SH3RF1: variants seen among roughly 807,000 people sequenced by gnomAD.
The protein encoded by SH3RF1 is E3 ubiquitin-protein ligase SH3RF1.
Under a neutral mutation model 74.0 loss-of-function variants are expected in SH3RF1, and 32 were observed. That is an observed-to-expected ratio of 0.43 (90% CI 0.33 to 0.58). SH3RF1 has a LOEUF of 0.58. SH3RF1 is among the 20% of genes least tolerant of loss of function. The pLI, the probability that SH3RF1 is intolerant of heterozygous loss-of-function variation, is 0.05. For missense variants in SH3RF1, 954 were observed against 1,130.9 expected, an observed-to-expected ratio of 0.84 and a Z score of 2.24; for synonymous variants, 396 against 439.6, an observed-to-expected ratio of 0.90 and a Z score of 1.24.
intron 2 of SH3RF1, among the ~76,000 whole-genome samples, chr4:169,169,681 T>A (rs531439851): frequency 6.6e-6 from 1 of 152,134 alleles, no homozygotes; most frequent in Admixed American, 6.5e-5. Flanking sequence ...GGAAGGAAGA[T>A]CTTTGGACCA....
rs186321688 is a variant in SH3RF1 at position 169,123,239 on chromosome 4, T to C, written c.1180-973A>G. ...CAGAGCTTATACCAGTCATCTTATT[T>C]CTGTTTTTTGGAATAAAAATTTGAA... is the stretch of plus-strand genomic sequence containing the variant. On this transcript the variant is annotated intron_variant, in intron 6 of 11. Coordinates refer to ENST00000284637, the MANE Select transcript of SH3RF1 (RefSeq NM_020870.4). Among the ~76,000 whole-genome samples the C allele has an allele frequency of 1.9e-4, 26 of 139,356 alleles. No individual in the cohort carries two copies. In the East Asian group the frequency reaches 4.4e-3, roughly 24 times the overall value. 91.4% of individuals were successfully genotyped at this position (139,356 alleles called of 152,430 possible). A position where few individuals can be genotyped will look rare whatever the true frequency, so the allele number is the denominator to read the frequency against.
At chr4:169,142,371 T>C (rs1733801578) in intron 4 of SH3RF1, among the ~76,000 whole-genome samples, 1 of 152,254 alleles carries the variant, frequency 6.6e-6, no homozygotes, top group African/African-American at 2.4e-5. Context: ...TTATCAGTTT[T>C]TTTCCACTAT....
intron 2 of SH3RF1, among the ~76,000 whole-genome samples, chr4:169,235,450 G>C (rs1338382503): frequency 6.6e-6 from 1 of 152,102 alleles, no homozygotes. Context: ...CTGTAAGATA[G>C]GTACTATTAT....
chr4:169,192,871 TATC>T (rs1411960623), intron 2 of SH3RF1, among the ~76,000 whole-genome samples: 1 of 147,022 alleles, frequency 6.8e-6, no homozygotes, highest in Non-Finnish European at 1.5e-5. Context: ...GTGATATATA[TATC>T]ATATATATGT....
chr4:169,141,380 T>G (rs1281664081), intron 4 of SH3RF1, among the ~76,000 whole-genome samples: 1 of 152,216 alleles, frequency 6.6e-6, no homozygotes, highest in Non-Finnish European at 1.5e-5. Flanking sequence ...TATAGAGACG[T>G]TGCCATTTAC....
chr4:169,159,499 C>A (rs1269835055), intron 2 of SH3RF1, among the ~76,000 whole-genome samples: 1 of 152,182 alleles, frequency 6.6e-6, no homozygotes, highest in African/African-American at 2.4e-5. Flanking sequence ...GCACAAACTC[C>A]AGAGCCAGAT....
intron 2 of SH3RF1, among the ~76,000 whole-genome samples, chr4:169,257,072 C>A (rs1731203740): frequency 6.6e-6 from 1 of 152,162 alleles, no homozygotes. Context: ...CTTCATCATT[C>A]TACAAATGAA....
intron 2 of SH3RF1, among the ~76,000 whole-genome samples, chr4:169,208,279 C>T (rs569511683): frequency 3.9e-5 from 6 of 152,108 alleles, no homozygotes; most frequent in African/African-American, 1.4e-4. Flanking sequence ...CTTCCACCCA[C>T]TTTATCTTCT....
intron 2 of SH3RF1, among the ~76,000 whole-genome samples, chr4:169,261,232 A>C (rs971722285): frequency 3.3e-5 from 5 of 151,948 alleles, no homozygotes; most frequent in African/African-American, 1.2e-4. Context: ...CTGACCTCCA[A>C]ACCACACTCT....
intron 2 of SH3RF1, among the ~76,000 whole-genome samples, chr4:169,198,733 A>G (rs1734862310): frequency 6.6e-6 from 1 of 152,194 alleles, no homozygotes; most frequent in Admixed American, 6.5e-5. Flanking sequence ...ATTGCAGAAC[A>G]TCAAAGACAA....
intron 7 of SH3RF1, 36 bp from the exon 8 acceptor site, chr4:169,121,025 T>A: frequency 1.3e-6 from 2 of 1,561,024 alleles, no homozygotes; most frequent in Non-Finnish European, 1.8e-6. Flanking sequence ...TCAGGTTGAG[T>A]AACAGACAAA....
At chr4:169,237,998 C>T (rs1240210968) in intron 2 of SH3RF1, among the ~76,000 whole-genome samples, 1 of 151,974 alleles carries the variant, frequency 6.6e-6, no homozygotes, top group Non-Finnish European at 1.5e-5. Context: ...AGCAAGAATC[C>T]CCCTACACTT....
chr4:169,116,232 A>G, intron 10 of SH3RF1, 37 bp downstream of exon 10: 1 of 1,549,070 alleles, frequency 6.5e-7, no homozygotes, highest in Non-Finnish European at 8.7e-7. Flanking sequence ...CAGGGAAGTA[A>G]GTAAAGCAGA....
chr4:169,150,339 T>A (rs34177233), intron 4 of SH3RF1, among the ~76,000 whole-genome samples: 14,508 of 152,254 alleles, frequency 0.095, 907 homozygotes, highest in South Asian at 0.16. Context: ...TCAGTGAGTC[T>A]TTTCTTCTTA....
At chr4:169,221,261 C>G (rs1211420448) in intron 2 of SH3RF1, among the ~76,000 whole-genome samples, 5 of 152,098 alleles carry the variant, frequency 3.3e-5, no homozygotes. Flanking sequence ...CCCTAACACT[C>G]TCTGCTCCTG....
chr4:169,187,329 G>C (rs1734622885), intron 2 of SH3RF1, among the ~76,000 whole-genome samples: 1 of 152,064 alleles, frequency 6.6e-6, no homozygotes, highest in African/African-American at 2.4e-5. Context: ...GAGTAGCTGA[G>C]ACTAAGATGC....
intron 2 of SH3RF1, among the ~76,000 whole-genome samples, chr4:169,200,695 A>G (rs1191484496): frequency 1.3e-5 from 2 of 152,210 alleles, no homozygotes; most frequent in South Asian, 2.1e-4. Context: ...TGCTCCCTTT[A>G]CCATTTAAAA....
intron 2 of SH3RF1, among the ~76,000 whole-genome samples, chr4:169,162,634 A>C (rs1186265479): frequency 6.6e-6 from 1 of 152,232 alleles, no homozygotes; most frequent in African/African-American, 2.4e-5. Context: ...TGAGGATGGC[A>C]GCTGCAAATA....
At chr4:169,202,569 A>G (rs1418048873) in intron 2 of SH3RF1, among the ~76,000 whole-genome samples, 1 of 152,244 alleles carries the variant, frequency 6.6e-6, no homozygotes, top group East Asian at 1.9e-4. Context: ...ATTTGGGTTA[A>G]TAACACAGTG....
Sources: gnomAD v4.1 joint callset for allele counts (sites outside exome capture counted in the v4.1 genomes callset) on GRCh38, gnomAD v4.1.1 for gene constraint, MANE v1.5 for transcripts, NCBI Gene and HGNC (gene_info 2026-07-23, HGNC 2026-07-21) for gene names.